Variants in CERS3 observed in about 807,000 individuals in gnomAD.
The protein encoded by CERS3 is LAG1 homolog, ceramide synthase 3.
Under a neutral mutation model 50.3 loss-of-function variants are expected in CERS3, and 33 were observed. The ratio of observed to expected loss-of-function variants is 0.66; its 90% confidence interval spans 0.50 to 0.88. The LOEUF is 0.88. CERS3 is among the 40% of genes least tolerant of loss of function. The probability of loss-of-function intolerance (pLI) is 0.00; values close to 1 mark genes in which losing one functional copy is unlikely to be tolerated. For missense variants in CERS3, 470 were observed against 460.3 expected (o/e 1.02, Z -0.19); for synonymous variants, 176 against 155.2 (o/e 1.13, Z -0.99).
chr15:100,528,304 C>A (rs1316917535), intron 1 of CERS3, among the ~76,000 whole-genome samples: 1 of 152,188 alleles, frequency 6.6e-6, no homozygotes, highest in Non-Finnish European at 1.5e-5. Flanking sequence ...GTGGGGTGAG[C>A]AAGTCCCACC....
chr15:100,459,640 C>A (rs945253413), intron 10 of CERS3, among the ~76,000 whole-genome samples: 1 of 152,146 alleles, frequency 6.6e-6, no homozygotes, highest in Non-Finnish European at 1.5e-5. Flanking sequence ...CTTAGAATAG[C>A]TAAAATCCTG....
chr15:100,538,315 C>A (rs1208927867), intron 1 of CERS3, among the ~76,000 whole-genome samples: 1 of 152,192 alleles, frequency 6.6e-6, no homozygotes, highest in African/African-American at 2.4e-5. Flanking sequence ...CTAGGCAATG[C>A]CCCAGTGGGA....
chr15:100,471,222 A>G (rs1261599387), intron 9 of CERS3, among the ~76,000 whole-genome samples: 1 of 151,888 alleles, frequency 6.6e-6, no homozygotes, highest in Non-Finnish European at 1.5e-5. Flanking sequence ...TGGACAGTTC[A>G]TTTTTCTTCT....
chr15:100,462,987 G>A (rs1358354079), intron 10 of CERS3, among the ~76,000 whole-genome samples: 1 of 152,122 alleles, frequency 6.6e-6, no homozygotes, highest in Non-Finnish European at 1.5e-5. Flanking sequence ...AATTACTTAG[G>A]GCACAAGGAA....
chr15:100,506,086 A>ACAAG (rs148350150), intron 2 of CERS3, among the ~76,000 whole-genome samples: 35,401 of 151,898 alleles, frequency 0.23, 4,412 homozygotes, highest in East Asian at 0.39. Context: ...AAACAAACAA[A>ACAAG]CAAACAATCA....
chr15:100,424,190 C>G (rs1393753636), intron 11 of CERS3, among the ~76,000 whole-genome samples: 1 of 152,124 alleles, frequency 6.6e-6, no homozygotes, highest in African/African-American at 2.4e-5. Context: ...ATTTGTCTGC[C>G]TTGGCCTCCC....
chr15:100,532,199 G>A (rs868248011), upstream of CERS3, among the ~76,000 whole-genome samples: 3 of 151,830 alleles, frequency 2.0e-5, no homozygotes, highest in South Asian at 4.2e-4. Context: ...AAGGGGAAGC[G>A]GGCAACTTCT....
At chr15:100,449,616 C>T (rs754443649) in intron 11 of CERS3, among the ~76,000 whole-genome samples, 1 of 152,198 alleles carries the variant, frequency 6.6e-6, no homozygotes, top group Non-Finnish European at 1.5e-5. Flanking sequence ...ATGAAAAATT[C>T]ACAGACACCA....
intron 11 of CERS3, among the ~76,000 whole-genome samples, chr15:100,409,799 A>AC (rs2031336016): frequency 6.6e-6 from 1 of 152,120 alleles, no homozygotes; most frequent in Non-Finnish European, 1.5e-5. Flanking sequence ...GTTGGCCCTG[A>AC]CCCCTTTACA....
chr15:100,502,117 C>T (rs1281613244), intron 2 of CERS3, among the ~76,000 whole-genome samples: 1 of 151,752 alleles, frequency 6.6e-6, no homozygotes, highest in Admixed American at 6.6e-5. Context: ...TGGTGGTGCA[C>T]ACCTGTAGTC....
At position 100,402,516 on chromosome 15, in the gene CERS3, T is replaced by TA. The variant is rs2030623944; in HGVS notation, c.*196dup. ...TGACCAGTCTGAGTCCTAACTGCAG[T>TA]AAAAATCCATGGGCATGCTTATATT... On this transcript the variant is annotated 3_prime_UTR_variant, in exon 12 of 12. Coordinates refer to ENST00000679737, the MANE Select transcript of CERS3 (RefSeq NM_001378789.1). 1.7e-6 allele frequency: 1 copy of TA among 581,896 alleles called. No homozygotes were observed. Among genetic ancestry groups the TA allele is most frequent in the Non-Finnish European group, 3.0e-6 (1 of 332,096 alleles). 36.0% of individuals were successfully genotyped at this position (581,896 alleles called of 1,614,324 possible).
intron 3 of CERS3, 57 bp from the exon 4 acceptor site, chr15:100,490,988 AC>A: frequency 9.9e-7 from 1 of 1,006,720 alleles, no homozygotes; most frequent in Non-Finnish European, 1.5e-6. Flanking sequence ...CCACGATGAC[AC>A]CAGAAAATTA....
chr15:100,458,841 C>T (rs1396908763), intron 10 of CERS3, among the ~76,000 whole-genome samples: 1 of 152,106 alleles, frequency 6.6e-6, no homozygotes, highest in Non-Finnish European at 1.5e-5. Context: ...TTGTACCCTA[C>T]TTTTTTCATG....
At position 100,429,746 on chromosome 15, in the gene CERS3, C is replaced by T. The variant is rs536608282; in HGVS notation, c.999+26147G>A. Among the ~76,000 whole-genome samples, 7 of 152,314 alleles carry T rather than the reference C, an allele frequency of 4.6e-5. No homozygotes were observed. The South Asian group carries it at 1.5e-3, about 32-fold the overall frequency. ...ACACAGCACGGAAAAGCTTCACCAT[C>T]TGTGTTTCTTAAATAAACATACTTA... On this transcript the variant is annotated intron_variant, in intron 11 of 11. Coordinates refer to ENST00000679737, the MANE Select transcript of CERS3 (RefSeq NM_001378789.1).
chr15:100,467,850 T>TAGATAGATTAGATAG (rs1555528324), intron 10 of CERS3, among the ~76,000 whole-genome samples: 15 of 93,136 alleles, frequency 1.6e-4, no homozygotes, highest in African/African-American at 5.2e-4. Context: ...TATATATATA[T>TAGATAGATTAGATAG]ATAGATAGAT....
chr15:100,405,505 A>G (rs1402544444), intron 11 of CERS3, among the ~76,000 whole-genome samples: 1 of 152,248 alleles, frequency 6.6e-6, no homozygotes, highest in Non-Finnish European at 1.5e-5. Context: ...GCTCCTAACA[A>G]TAAAAAGGAA....
chr15:100,456,669 G>A (rs77944786), intron 10 of CERS3, among the ~76,000 whole-genome samples: 4,042 of 152,208 alleles, frequency 0.027, 200 homozygotes, highest in African/African-American at 0.091. Context: ...CATATGGGCC[G>A]GGCATGGTGG....
chr15:100,423,198 A>G (rs780249049), intron 11 of CERS3, among the ~76,000 whole-genome samples: 2 of 152,326 alleles, frequency 1.3e-5, no homozygotes, highest in South Asian at 2.1e-4. Context: ...GCCACTGTGG[A>G]AAGCATTTTG....
At chr15:100,411,726 T>C (rs1160661917) in intron 11 of CERS3, among the ~76,000 whole-genome samples, 4 of 152,198 alleles carry the variant, frequency 2.6e-5, no homozygotes, top group African/African-American at 9.7e-5. Context: ...ACTACCATAC[T>C]GTTTTCCACA....
Sources: gnomAD v4.1 joint callset for allele counts (sites outside exome capture counted in the v4.1 genomes callset) on GRCh38, gnomAD v4.1.1 for gene constraint, MANE v1.5 for transcripts, NCBI Gene and HGNC (gene_info 2026-07-23, HGNC 2026-07-21) for gene names.